GPC5: variants seen among roughly 807,000 people sequenced by gnomAD.
GPC5 encodes the protein glypican 5.
In GPC5, 47 loss-of-function variants were observed where a neutral mutation model predicts 53.9. That is an observed-to-expected ratio of 0.87 (90% CI 0.69 to 1.11). The LOEUF (loss-of-function observed/expected upper bound fraction) is 1.11. GPC5 is among the 50% of genes most tolerant of loss of function. The probability of loss-of-function intolerance (pLI) is 0.00; values close to 1 mark genes in which losing one functional copy is unlikely to be tolerated. For synonymous variants in GPC5, 286 were observed against 263.3 expected (o/e 1.09, Z -0.84); for missense variants, 748 against 713.1 (o/e 1.05, Z -0.56).
At chr13:91,949,293 T>C (rs1291800293) in intron 6 of GPC5, among the ~76,000 whole-genome samples, 1 of 152,198 alleles carries the variant, frequency 6.6e-6, no homozygotes, top group Non-Finnish European at 1.5e-5. Flanking sequence ...CAGTTTAACC[T>C]AGGGGTTTTG....
At chr13:92,743,064 G>A (rs1889147169) in intron 7 of GPC5, among the ~76,000 whole-genome samples, 1 of 151,904 alleles carries the variant, frequency 6.6e-6, no homozygotes, top group Admixed American at 6.6e-5. Context: ...TGGCGATGCA[G>A]GCTCTTTTTT....
chr13:91,491,209 T>G (rs560218108), intron 2 of GPC5, among the ~76,000 whole-genome samples: 6 of 152,350 alleles, frequency 3.9e-5, no homozygotes, highest in African/African-American at 1.2e-4. Flanking sequence ...TCTGTATAAC[T>G]GGCCCCCAAG....
At chr13:91,980,056 G>T (rs979893103) in intron 6 of GPC5, among the ~76,000 whole-genome samples, 25 of 152,122 alleles carry the variant, frequency 1.6e-4, no homozygotes, top group African/African-American at 5.6e-4. Context: ...TATAGGCCCA[G>T]AGTCCCATAT....
intron 7 of GPC5, among the ~76,000 whole-genome samples, chr13:92,270,110 AATAGGAAC>A (rs2042829901): frequency 2.0e-5 from 3 of 152,270 alleles, no homozygotes; most frequent in South Asian, 4.1e-4. Flanking sequence ...ATATTACAGA[AATAGGAAC>A]ATAGGGATCA....
At chr13:91,409,117 G>A (rs1451402458) in intron 1 of GPC5, among the ~76,000 whole-genome samples, 3 of 152,004 alleles carry the variant, frequency 2.0e-5, no homozygotes, top group Non-Finnish European at 2.9e-5. Flanking sequence ...TCTCTTATTC[G>A]GTAAGGTTAT....
intron 7 of GPC5, among the ~76,000 whole-genome samples, chr13:92,626,763 G>A (rs1345914561): frequency 6.6e-6 from 1 of 152,038 alleles, no homozygotes; most frequent in South Asian, 2.1e-4. Context: ...GAAGATAGGA[G>A]TAAAACTCTC....
At chr13:92,339,743 T>A (rs1296808696) in intron 7 of GPC5, 1 of 152,130 alleles carries the variant, frequency 6.6e-6, no homozygotes, top group Non-Finnish European at 1.5e-5. Context: ...AATCTATGTT[T>A]CTGCAGATCT....
chr13:92,580,600 T>C lies in GPC5; in HGVS notation c.1562-285682T>C, dbSNP rs116410988. Among the ~76,000 whole-genome samples the C allele has an allele frequency of 3.4e-3, 525 of 152,264 alleles. 1 individual carries two copies. The highest frequency in any genetic ancestry group is 0.012 in the African/African-American group (483 of 41,564). ...CAGGAGGAATGGCACCAGCATCTAC[T>C]TGGCTTTTCGAGAGGCCTCAGGGAG... is the stretch of plus-strand genomic sequence containing the variant. On this transcript the variant is annotated intron_variant, in intron 7 of 7. Transcript: ENST00000377067.
intron 6 of GPC5, among the ~76,000 whole-genome samples, chr13:92,037,539 A>C (rs2040903649): frequency 6.6e-6 from 1 of 152,018 alleles, no homozygotes; most frequent in Non-Finnish European, 1.5e-5. Context: ...GTATATATTT[A>C]TTTGTTTGAT....
intron 7 of GPC5, among the ~76,000 whole-genome samples, chr13:92,467,071 T>G (rs1878720767): frequency 6.6e-6 from 1 of 152,160 alleles, no homozygotes; most frequent in Admixed American, 6.6e-5. Flanking sequence ...GACAGCACTT[T>G]CAGTTTCCAT....
intron 7 of GPC5, among the ~76,000 whole-genome samples, chr13:92,205,025 C>T (rs778889321): frequency 6.6e-6 from 1 of 151,948 alleles, no homozygotes; most frequent in Non-Finnish European, 1.5e-5. Context: ...ACTACAGGTG[C>T]CCGCCACCAC....
At chr13:92,046,590 T>A (rs1041306317) in intron 6 of GPC5, among the ~76,000 whole-genome samples, 1 of 152,220 alleles carries the variant, frequency 6.6e-6, no homozygotes, top group African/African-American at 2.4e-5. Flanking sequence ...CTCATTTTTA[T>A]TTCACTCTCC....
chr13:91,720,076 A>G (rs1594476011), intron 3 of GPC5, among the ~76,000 whole-genome samples: 2 of 152,310 alleles, frequency 1.3e-5, no homozygotes, highest in Admixed American at 6.5e-5. Flanking sequence ...CTCTACATTA[A>G]AAATATAATC....
chr13:92,398,428 CAAAAAAAAA>C (rs35873316), intron 7 of GPC5, among the ~76,000 whole-genome samples: 1 of 87,672 alleles, frequency 1.1e-5, no homozygotes, highest in Admixed American at 1.3e-4. Context: ...GACTCCGTCT[CAAAAAAAAA>C]AAAAAAAAAA....
intron 1 of GPC5, among the ~76,000 whole-genome samples, chr13:91,402,433 G>A (rs1877023552): frequency 6.6e-6 from 1 of 152,258 alleles, no homozygotes; most frequent in Middle Eastern, 3.4e-3. Context: ...ATTGCTCCAA[G>A]GACAGTGTAG....
intron 5 of GPC5, among the ~76,000 whole-genome samples, chr13:91,793,024 C>T (rs1376523835): frequency 2.6e-5 from 4 of 152,090 alleles, no homozygotes; most frequent in Admixed American, 2.6e-4. Flanking sequence ...AAACTCTTCT[C>T]ACTAGGCTAA....
intron 7 of GPC5, among the ~76,000 whole-genome samples, chr13:92,763,331 A>C (rs543355977): frequency 1.2e-3 from 181 of 152,018 alleles, no homozygotes; most frequent in Non-Finnish European, 2.1e-3. Context: ...GATTCTGAGT[A>C]GATGAAGGGG....
intron 5 of GPC5, among the ~76,000 whole-genome samples, chr13:91,904,811 G>T (rs1566333760): frequency 1.3e-5 from 2 of 151,996 alleles, no homozygotes; most frequent in Non-Finnish European, 2.9e-5. Flanking sequence ...AGGAAACGAA[G>T]GTTGAGTGGA....
At chr13:92,329,501 A>G (rs903451001) in intron 7 of GPC5, among the ~76,000 whole-genome samples, 1 of 152,126 alleles carries the variant, frequency 6.6e-6, no homozygotes, top group Non-Finnish European at 1.5e-5. Context: ...CACTTCCAAC[A>G]TTAAGAATCA....
Sources: allele counts gnomAD v4.1 joint callset (sites outside exome capture counted in the v4.1 genomes callset), GRCh38; gene constraint gnomAD v4.1.1; transcripts MANE v1.5; gene names NCBI Gene and HGNC (gene_info 2026-07-23, HGNC 2026-07-21).